The following ADAMTSL4 variants were observed in gnomAD, a reference collection of about 807,000 sequenced individuals.
The protein encoded by ADAMTSL4 is ADAMTS-like protein 4.
In ADAMTSL4, 97 loss-of-function variants were observed where a neutral mutation model predicts 122.8. The observed-to-expected ratio is 0.79, with a 90% CI of 0.67 to 0.93. The LOEUF is 0.93. Ranked by LOEUF, ADAMTSL4 falls within the 40% of genes least tolerant of loss-of-function variation. The pLI is 0.00. For missense variants in ADAMTSL4, 1,408 were observed against 1,453.5 expected (o/e 0.97, Z 0.51); for synonymous variants, 592 against 568.0 (o/e 1.04, Z -0.60).
chr1:150,553,188 C>T lies in ADAMTSL4; in HGVS notation c.369C>T (p.Gly123=). Residue 123 remains glycine, a synonymous_variant, in exon 5 of 19, where the codon GGC becomes GGT. Transcript: ENST00000271643. ...LYRTQSRGRG[G]PLRGPASHLG... is the part of the protein sequence containing the mutation. ...GGACACAGTCTCGGGGAAGGGGTGGCCCACTTCGAGGTCCCGCTTCCCACC... is the reference window on the plus strand; with the variant it reads ...GGACACAGTCTCGGGGAAGGGGTGGTCCACTTCGAGGTCCCGCTTCCCACC... The T allele has an allele frequency of 3.7e-6, 6 of 1,607,664 alleles. No individual in the cohort carries two copies. The highest frequency in any genetic ancestry group is 4.2e-6 in the Non-Finnish European group (5 of 1,176,732).
Position 150,554,395 on chromosome 1 carries a change from G to A in ADAMTSL4, c.1162G>A (p.Ala388Thr), listed in dbSNP as rs767290674. Reference sequence around the variant, plus strand: ...CCCCCCTGAGCAGCCAGACCCCCGGGCCCTGCAGTGCGCAGCCTTTAACTC... The same window carrying A: ...CCCCCCTGAGCAGCCAGACCCCCGGACCCTGCAGTGCGCAGCCTTTAACTC... ...PCPPEQPDPR[A>T]LQCAAFNSQE... is the part of the protein sequence containing the mutation. Residue 388 changes from alanine (A) to threonine (T), a missense_variant, in exon 7 of 19, where the codon GCC (alanine) becomes ACC (threonine). Coordinates refer to ENST00000271643, the MANE Select transcript of ADAMTSL4 (RefSeq NM_019032.6). The surrounding 1 kb of genome is among the most constrained non-coding windows in gnomAD (Gnocchi z 4.0). 3 of 1,613,794 alleles carry A rather than the reference G, an allele frequency of 1.9e-6. No homozygotes were observed. Among genetic ancestry groups the A allele is most frequent in the East Asian group, 4.5e-5 (2 of 44,876 alleles).
rs1671652151 is a variant in ADAMTSL4 at position 150,553,484 on chromosome 1, G to C, written c.493G>C (p.Ala165Pro). The C allele has an allele frequency of 6.2e-7, 1 of 1,613,786 alleles. No homozygotes were observed. Among genetic ancestry groups the C allele is most frequent in the Admixed American group, 1.7e-5 (1 of 59,974 alleles). Residue 165 changes from alanine to proline, a missense_variant, in exon 6 of 19, where the codon GCA becomes CCA. Transcript: ENST00000271643. Reference sequence around the variant, plus strand: ...GTTCGGTTATGGGAGAGTGCCCTTTGCATTGCCACTGCACCGGAACCGCAG... The same window carrying C: ...GTTCGGTTATGGGAGAGTGCCCTTTCCATTGCCACTGCACCGGAACCGCAG... ...GMFGYGRVPF[A>P]LPLHRNRRHP...
rs372594537 is a variant in ADAMTSL4, at chr1:150,552,288, G to A, written c.-1G>A. 129 of 1,555,022 alleles carry A rather than the reference G, an allele frequency of 8.3e-5. No individual in the cohort carries two copies. The African/African-American group carries it at 1.5e-3, about 18-fold the overall frequency. On this transcript the variant is annotated 5_prime_UTR_variant, in exon 3 of 19. Transcript: ENST00000271643. This position sits in a 1 kb window ranked among gnomAD's most constrained non-coding sequence, Gnocchi z 4.0. ...CCCCCTGGGGCAGTAGAGGGGGAGC[G>A]ATGGAGAACTGGACTGGCAGGTGAG...
Position 150,552,388 on chromosome 1 carries a change from G to C in ADAMTSL4, c.20+80G>C. 1 of 1,535,112 alleles carries C rather than the reference G, an allele frequency of 6.5e-7. No homozygotes were observed. The highest frequency in any genetic ancestry group is 8.9e-7 in the Non-Finnish European group (1 of 1,127,926). ...CTCTGTGTCTGGAAGTGAGGGAAAG[G>C]GGACCACTGGGAGGGGCAGGGGAAG... On this transcript the variant is annotated intron_variant, in intron 3 of 18. Transcript: ENST00000271643. The surrounding 1 kb of genome is among the most constrained non-coding windows in gnomAD (Gnocchi z 4.0).
rs587607096 is a variant in ADAMTSL4 at position 150,554,824 on chromosome 1, G to A, written c.1234+357G>A. On this transcript the variant is annotated intron_variant, in intron 7 of 18. Transcript: ENST00000271643. The surrounding 1 kb of genome is among the most constrained non-coding windows in gnomAD (Gnocchi z 4.0). ...CACGCATCCTGGGCACTGTCGTATC[G>A]GTTGCTCCCAGGTTACCATCCGCTT... 13 of 644,178 alleles carry A rather than the reference G, an allele frequency of 2.0e-5. No individual in the cohort carries two copies. The highest frequency in any genetic ancestry group is 9.7e-5 in the South Asian group (5 of 51,340). The allele number at this position is 644,178 out of a possible 1,614,324, so 39.9% of individuals were successfully genotyped here.
chr1:150,557,720 C>T (rs373845998), intron 13 of ADAMTSL4, 97 bp downstream of exon 13: 3 of 1,424,068 alleles, frequency 2.1e-6, no homozygotes, highest in South Asian at 1.3e-5. Flanking sequence ...CGCAACATCT[C>T]CTGGCTGCAG....
Position 150,552,253 on chromosome 1 carries a change from G to T in ADAMTSL4, c.-36G>T, listed in dbSNP as rs1195345108. The stretch of plus-strand genomic sequence containing the variant: ...CCTGCGTAGTTTTTGTGACCAGTCC[G>T]CTCCTGCCTCCCCCTGGGGCAGTAG... On this transcript the variant is annotated 5_prime_UTR_variant, in exon 3 of 19. Transcript: ENST00000271643. This position sits in a 1 kb window ranked among gnomAD's most constrained non-coding sequence, Gnocchi z 4.0. 3 of 1,549,722 alleles carry T rather than the reference G, an allele frequency of 1.9e-6. No homozygotes were observed. The African/African-American group carries it at 4.1e-5, about 21-fold the overall frequency.
rs1013974749 is a variant in ADAMTSL4, at chr1:150,556,988, C to T, written c.1799C>T (p.Ser600Phe). 6.2e-6 allele frequency: 10 copies of T among 1,614,138 alleles called. 1 individual carries two copies. In the Admixed American group the frequency reaches 1.7e-4, roughly 27 times the overall value. ...NPGVFYQYVI[S>F]SPPPILENPT... ...GGCGTTTTTTATCAGTATGTCATCT[C>T]TTCACCTCCTCCAATCCTTGAGAAC... The change falls in exon 11 of 19, where the codon TCT (serine) becomes TTT (phenylalanine). Residue 600 changes from serine (S) to phenylalanine (F), a missense_variant. Ser to Phe is a radical substitution (Grantham distance 155). Transcript: ENST00000271643. This position sits in a 1 kb window ranked among gnomAD's most constrained non-coding sequence, Gnocchi z 4.1.
In ADAMTSL4 at chr1:150,552,280, G is replaced by A. The variant is rs371209743; in HGVS notation, c.-9G>A. On this transcript the variant is annotated 5_prime_UTR_variant, in exon 3 of 19. Transcript: ENST00000271643. The surrounding 1 kb of genome is among the most constrained non-coding windows in gnomAD (Gnocchi z 4.0). Reference sequence around the variant, plus strand: ...TCCTGCCTCCCCCTGGGGCAGTAGAGGGGGAGCGATGGAGAACTGGACTGG... The same window carrying A: ...TCCTGCCTCCCCCTGGGGCAGTAGAAGGGGAGCGATGGAGAACTGGACTGG... 2.9e-5 allele frequency: 45 copies of A among 1,553,706 alleles called. No homozygotes were observed. Among genetic ancestry groups the A allele is most frequent in the Non-Finnish European group, 3.9e-5 (45 of 1,147,830 alleles).
chr1:150,553,535 G>C lies in ADAMTSL4; in HGVS notation c.544G>C (p.Glu182Gln). The C allele has an allele frequency of 6.2e-7, 1 of 1,613,864 alleles. No homozygotes were observed. The highest frequency in any genetic ancestry group is 8.5e-7 in the Non-Finnish European group (1 of 1,179,948). ...RRHPRSPPRS[E>Q]LSLISSRGEE... ...GCACCCTCGGAGCCCACCCAGATCT[G>C]AGCTGTCCCTGATCTCTTCTAGAGG... The change falls in exon 6 of 19, where the codon GAG (glutamate) becomes CAG (glutamine). Residue 182 changes from glutamate to glutamine, a missense_variant. Glu to Gln is a conservative substitution (Grantham distance 29). Coordinates refer to ENST00000271643, the MANE Select transcript of ADAMTSL4 (RefSeq NM_019032.6).
rs1560284913 is a variant in ADAMTSL4, at chr1:150,552,900, G to A, written c.81G>A (p.Val27=). The change falls in exon 5 of 19, where the codon GTG becomes GTA. Residue 27 remains valine, a splice_region_variant and synonymous_variant. Coordinates refer to ENST00000271643, the MANE Select transcript of ADAMTSL4 (RefSeq NM_019032.6). This position sits in a 1 kb window ranked among gnomAD's most constrained non-coding sequence, Gnocchi z 4.0. ...SLPQLCLDQE[V]LSGHSLQTPT... ...GTCTGACCTTTTTCTCTATATAGGT[G>A]TTGTCCGGACACTCTCTTCAGACAC... The A allele has an allele frequency of 6.2e-7, 1 of 1,612,282 alleles. No homozygotes were observed. The highest frequency in any genetic ancestry group is 1.3e-5 in the African/African-American group (1 of 74,870).
chr1:150,560,589 A>C lies in ADAMTSL4; in HGVS notation c.*393A>C. Reference sequence around the variant, plus strand: ...TACTTAGAGTGTGGTCTCCCCACCAACTCCAGTTTTGTGCCCTAAGCCTCA... The same window carrying C: ...TACTTAGAGTGTGGTCTCCCCACCACCTCCAGTTTTGTGCCCTAAGCCTCA... On this transcript the variant is annotated 3_prime_UTR_variant, in exon 19 of 19. Coordinates refer to ENST00000271643, the MANE Select transcript of ADAMTSL4 (RefSeq NM_019032.6). 1 of 260,800 alleles carries C rather than the reference A, an allele frequency of 3.8e-6. No individual in the cohort carries two copies. The highest frequency in any genetic ancestry group is 9.2e-5 in the East Asian group (1 of 10,912). 16.2% of individuals were successfully genotyped at this position (260,800 alleles called of 1,614,324 possible).
Position 150,552,358 on chromosome 1 carries a change from G to C in ADAMTSL4, c.20+50G>C, listed in dbSNP as rs376076497. ...GGGGGAGGAAAAGGGGAGGTGCTGG[G>C]ATGGCTCTGTGTCTGGAAGTGAGGG... On this transcript the variant is annotated intron_variant, in intron 3 of 18. Transcript: ENST00000271643. This position sits in a 1 kb window ranked among gnomAD's most constrained non-coding sequence, Gnocchi z 4.0. The C allele has an allele frequency of 1.3e-6, 2 of 1,548,232 alleles. No individual in the cohort carries two copies. The highest frequency in any genetic ancestry group is 1.8e-6 in the Non-Finnish European group (2 of 1,142,142).
chr1:150,556,921 A>C lies in ADAMTSL4; in HGVS notation c.1750-18A>C, dbSNP rs1560297241. On this transcript the variant is annotated intron_variant, in intron 10 of 18. Coordinates refer to ENST00000271643, the MANE Select transcript of ADAMTSL4 (RefSeq NM_019032.6). This position sits in a 1 kb window ranked among gnomAD's most constrained non-coding sequence, Gnocchi z 4.1. ...TTCTGGCCACCCCCACATATTCATT[A>C]TCTTCTCTTCTCCCCAGATGATCTT... is the stretch of plus-strand genomic sequence containing the variant. 6.2e-7 allele frequency: 1 copy of C among 1,612,278 alleles called. No homozygotes were observed. Among genetic ancestry groups the C allele is most frequent in the Admixed American group, 1.7e-5 (1 of 59,994 alleles).
In ADAMTSL4 at chr1:150,559,569, A is replaced by G; in HGVS notation, c.2943+103A>G. 6.4e-7 allele frequency: 1 copy of G among 1,567,232 alleles called. No individual in the cohort carries two copies. Among genetic ancestry groups the G allele is most frequent in the South Asian group, 1.1e-5 (1 of 89,056 alleles). ...TCCAGGTCTCTCTGTGCCCCAGAAT[A>G]AGCCCAGCCAAGCGTTACCACTGTC... On this transcript the variant is annotated intron_variant, in intron 17 of 18. Transcript: ENST00000271643. This position sits in a 1 kb window ranked among gnomAD's most constrained non-coding sequence, Gnocchi z 4.1.
chr1:150,558,669 C>T lies in ADAMTSL4; in HGVS notation c.2559+20C>T. ...TCCAAGGTGAGCCCGGAACCCCCAG[C>T]CATATCCTGCATCCTGGGTAACCAC... is the stretch of plus-strand genomic sequence containing the variant. On this transcript the variant is annotated intron_variant, in intron 15 of 18. Transcript: ENST00000271643. The T allele has an allele frequency of 6.2e-7, 1 of 1,613,934 alleles. No homozygotes were observed.
rs765156304 is a variant in ADAMTSL4, at chr1:150,556,895, C to A, written c.1750-44C>A. Reference sequence around the variant, plus strand: ...TGGGAGAGAGAGCTGGTGGCATCCTCTTCTGGCCACCCCCACATATTCATT... The same window carrying A: ...TGGGAGAGAGAGCTGGTGGCATCCTATTCTGGCCACCCCCACATATTCATT... On this transcript the variant is annotated intron_variant, in intron 10 of 18. Coordinates refer to ENST00000271643, the MANE Select transcript of ADAMTSL4 (RefSeq NM_019032.6). This position sits in a 1 kb window ranked among gnomAD's most constrained non-coding sequence, Gnocchi z 4.1. The A allele has an allele frequency of 1.9e-6, 3 of 1,607,106 alleles. No individual in the cohort carries two copies. The highest frequency in any genetic ancestry group is 2.6e-6 in the Non-Finnish European group (3 of 1,173,640).
rs116614291 is a variant in ADAMTSL4 at position 150,559,483 on chromosome 1, G to A, written c.2943+17G>A. On this transcript the variant is annotated intron_variant, in intron 17 of 18. Transcript: ENST00000271643. The surrounding 1 kb of genome is among the most constrained non-coding windows in gnomAD (Gnocchi z 4.1). ...TGGAGCCCAGTGAGTGTCTGGCTGC[G>A]CTGTCCTGCCCTGCTCAGCCTGGGC... 6,853 of 1,612,384 alleles carry A rather than the reference G, an allele frequency of 4.3e-3. 253 individuals are homozygous for A. The African/African-American group carries it at 0.078, about 18-fold the overall frequency.
chr1:150,552,867 C>T lies in ADAMTSL4; in HGVS notation c.79-31C>T. The T allele has an allele frequency of 6.2e-7, 1 of 1,601,314 alleles. No homozygotes were observed. Among genetic ancestry groups the T allele is most frequent in the Non-Finnish European group, 8.5e-7 (1 of 1,172,830 alleles). ...CTCTGGACAGTTCCCTCTAATCCTT[C>T]CAATTCTGTCTGACCTTTTTCTCTA... is the stretch of plus-strand genomic sequence containing the variant. On this transcript the variant is annotated intron_variant, in intron 4 of 18. Coordinates refer to ENST00000271643, the MANE Select transcript of ADAMTSL4 (RefSeq NM_019032.6). The surrounding 1 kb of genome is among the most constrained non-coding windows in gnomAD (Gnocchi z 4.0).
Sources: allele counts gnomAD v4.1 joint callset, GRCh38; gene constraint gnomAD v4.1.1; non-coding constraint Gnocchi (gnomAD v3.1); transcripts MANE v1.5; gene names NCBI Gene and HGNC (gene_info 2026-07-23, HGNC 2026-07-21).